Variants in ERCC2 observed in about 807,000 individuals in gnomAD.
ERCC2 encodes the protein ERCC excision repair 2, TFIIH core complex helicase subunit.
A neutral mutation model predicts 99.4 loss-of-function variants in ERCC2; 90 were observed. The ratio of observed to expected loss-of-function variants is 0.91; its 90% CI spans 0.76 to 1.08. ERCC2 has a LOEUF of 1.08. Among genes scored for constraint, ERCC2 ranks in the 50% least tolerant of loss-of-function variants. The pLI is 0.00. For missense variants in ERCC2, 993 were observed against 1,038.1 expected, an observed-to-expected ratio of 0.96 and a Z score of 0.60; for synonymous variants, 497 against 432.4, an observed-to-expected ratio of 1.15 and a Z score of -1.85.
In ERCC2 at chr19:45,350,012, A is replaced by T. The variant is rs1458713949; in HGVS notation, c.*1617T>A. ...AGCCCAAAGTACAGCAGACAGGCTC[A>T]GAAACAGGAGGCTGCCTGTCCTCCA... On this transcript the variant is annotated 3_prime_UTR_variant, in exon 23 of 23. Transcript: ENST00000391945. The T allele has an allele frequency of 1.1e-5, 5 of 445,702 alleles. No individual in the cohort carries two copies. The allele number at this position is 445,702 out of a possible 1,614,324, so 27.6% of individuals were successfully genotyped here.
chr19:45,353,632 C>A (rs1263673030), intron 17 of ERCC2, among the ~76,000 whole-genome samples: 4 of 152,126 alleles, frequency 2.6e-5, no homozygotes, highest in Non-Finnish European at 5.9e-5. Context: ...GCAGGCAGAG[C>A]CAATCAGAGG....
intron 17 of ERCC2, 95 bp from the exon 18 acceptor site, chr19:45,353,429 T>G: frequency 1.2e-6 from 1 of 817,916 alleles, no homozygotes; most frequent in Non-Finnish European, 2.1e-6. Context: ...ACCATGTCTC[T>G]GGGCCTCAGC....
In ERCC2 at chr19:45,353,054, C is replaced by G. The variant is rs760278269; in HGVS notation, c.1831+29G>C. Reference sequence around the variant, plus strand: ...TGTTCCAGAGAGCTCTGGGAAGACACCTGGGGAGGAAGAGCCCAGTCCACT... The same window carrying G: ...TGTTCCAGAGAGCTCTGGGAAGACAGCTGGGGAGGAAGAGCCCAGTCCACT... On this transcript the variant is annotated intron_variant, in intron 19 of 22. Transcript: ENST00000391945. 9.3e-6 allele frequency: 15 copies of G among 1,604,858 alleles called. No homozygotes were observed. In the South Asian group the frequency reaches 1.4e-4, roughly 15 times the overall value.
At chr19:45,356,112 CACACTCTCCA>C (rs1395989827) in intron 15 of ERCC2, among the ~76,000 whole-genome samples, 1 of 152,122 alleles carries the variant, frequency 6.6e-6, no homozygotes, top group African/African-American at 2.4e-5. Flanking sequence ...CGAGTCTGTC[CACACTCTCCA>C]ACAGCAGCTA....
chr19:45,367,451 C>T (rs890618722), intron 5 of ERCC2, among the ~76,000 whole-genome samples: 3 of 151,760 alleles, frequency 2.0e-5, no homozygotes, highest in Admixed American at 6.6e-5. Context: ...AATATATACA[C>T]ATATATACAT....
chr19:45,370,389 C>A lies in ERCC2; in HGVS notation c.5+147G>T, dbSNP rs1972566942. ...TCGGGGCCCCCTCAGTGTCTCCTCG[C>A]TATCACTGCTGCTCCCTGCGGCTGC... On this transcript the variant is annotated intron_variant, in intron 1 of 22. Transcript: ENST00000391945. 3 of 1,504,836 alleles carry A rather than the reference C, an allele frequency of 2.0e-6. No homozygotes were observed. The South Asian group carries it at 3.7e-5, about 19-fold the overall frequency. The allele number at this position is 1,504,836 out of a possible 1,614,324, so 93.2% of individuals were successfully genotyped here. A position where few individuals can be genotyped will look rare whatever the true frequency, so the allele number is the denominator to read the frequency against.
chr19:45,355,814 C>CT (rs35665496), intron 15 of ERCC2, 86 bp from the exon 16 acceptor site: 11,909 of 675,206 alleles, frequency 0.018, 4 homozygotes, highest in Non-Finnish European at 0.02. Context: ...CTGTTCTAAG[C>CT]TTTTTTTTTT....
chr19:45,357,774 C>T, intron 12 of ERCC2, 75 bp from the exon 13 acceptor site: 1 of 1,331,216 alleles, frequency 7.5e-7, no homozygotes, highest in Admixed American at 1.8e-5. Flanking sequence ...CATTCCCTCT[C>T]CTGCTCCCTC....
At chr19:45,358,962 A>G in intron 12 of ERCC2, 1 of 738,216 alleles carries the variant, frequency 1.4e-6, no homozygotes, top group Non-Finnish European at 2.5e-6. Context: ...ATTCGGTTTC[A>G]CACAGTGAAA....
chr19:45,358,225 C>T (rs1005796831), intron 12 of ERCC2: 25 of 198,556 alleles, frequency 1.3e-4, no homozygotes, highest in Non-Finnish European at 2.3e-4. Context: ...CAGCTAATTT[C>T]TACATTTTTA....
chr19:45,355,618 A>G lies in ERCC2; in HGVS notation c.1543+47T>C, dbSNP rs781736926. 9.9e-6 allele frequency: 15 copies of G among 1,509,532 alleles called. No individual in the cohort carries two copies. The African/African-American group carries it at 1.9e-4, about 19-fold the overall frequency. The allele number at this position is 1,509,532 out of a possible 1,614,324, so 93.5% of individuals were successfully genotyped here. A position where few individuals can be genotyped will look rare whatever the true frequency, so the allele number is the denominator to read the frequency against. Reference sequence around the variant, plus strand: ...ATGACTCAGCCCACCTGACTGATACACCTCCCCTCTTGGAACCCACAGAAA... The same window carrying G: ...ATGACTCAGCCCACCTGACTGATACGCCTCCCCTCTTGGAACCCACAGAAA... On this transcript the variant is annotated intron_variant, in intron 16 of 22. Coordinates refer to ENST00000391945, the MANE Select transcript of ERCC2 (RefSeq NM_000400.4).
At chr19:45,359,636 C>T (rs1163162240) in intron 12 of ERCC2, among the ~76,000 whole-genome samples, 31 of 152,194 alleles carry the variant, frequency 2.0e-4, no homozygotes, top group Non-Finnish European at 1.5e-5. Context: ...CTCCCCATAT[C>T]CCAGCCTCTC....
At position 45,350,648 on chromosome 19, in the gene ERCC2, G is replaced by C. The variant is rs369584425; in HGVS notation, c.*981C>G. On this transcript the variant is annotated 3_prime_UTR_variant, in exon 23 of 23. Coordinates refer to ENST00000391945, the MANE Select transcript of ERCC2 (RefSeq NM_000400.4). ...TCCCCGGCCCCTCCCCAGGCCCTTC[G>C]CCGCAGCAGCTCACTCTCCAAGATC... 6.2e-7 allele frequency: 1 copy of C among 1,613,298 alleles called. No individual in the cohort carries two copies. The highest frequency in any genetic ancestry group is 1.7e-5 in the Admixed American group (1 of 59,962).
In ERCC2 at chr19:45,354,868, G is replaced by A. The variant is rs768410569; in HGVS notation, c.1544-17C>T. Reference sequence around the variant, plus strand: ...GGATCACAGCTGCAAGGGGTCAGAGGTTGGGCCCTCTCCTGGCCCAGGTCC... The same window carrying A: ...GGATCACAGCTGCAAGGGGTCAGAGATTGGGCCCTCTCCTGGCCCAGGTCC... On this transcript the variant is annotated splice_polypyrimidine_tract_variant and intron_variant, in intron 16 of 22. Coordinates refer to ENST00000391945, the MANE Select transcript of ERCC2 (RefSeq NM_000400.4). 8.1e-6 allele frequency: 13 copies of A among 1,613,678 alleles called. No homozygotes were observed. Among genetic ancestry groups the A allele is most frequent in the African/African-American group, 5.3e-5 (4 of 74,918 alleles).
chr19:45,350,896 T>C lies in ERCC2; in HGVS notation c.*733A>G. The C allele has an allele frequency of 2.5e-6, 4 of 1,569,310 alleles. No homozygotes were observed. Among genetic ancestry groups the C allele is most frequent in the Non-Finnish European group, 2.6e-6 (3 of 1,148,614 alleles). On this transcript the variant is annotated 3_prime_UTR_variant, in exon 23 of 23. Coordinates refer to ENST00000391945, the MANE Select transcript of ERCC2 (RefSeq NM_000400.4). ...TCAAACCCTGTGCTGGAAAGGTCCC[T>C]CGTGGAGGGGGGCCACTCCTGGATT... is the stretch of plus-strand genomic sequence containing the variant.
chr19:45,352,957 G>A, intron 19 of ERCC2, 126 bp downstream of exon 19: 1 of 1,215,142 alleles, frequency 8.2e-7, no homozygotes, highest in Non-Finnish European at 1.2e-6. Context: ...CAGAGGGGAG[G>A]GGAGGGCCCC....
At chr19:45,355,463 C>G (rs1215525686) in intron 16 of ERCC2, among the ~76,000 whole-genome samples, 3 of 152,248 alleles carry the variant, frequency 2.0e-5, no homozygotes, top group Non-Finnish European at 4.4e-5. Context: ...CTCTGACACA[C>G]CCAGCGGTGG....
At chr19:45,362,499 C>G (rs950626569) in intron 11 of ERCC2, among the ~76,000 whole-genome samples, 1 of 152,188 alleles carries the variant, frequency 6.6e-6, no homozygotes, top group African/African-American at 2.4e-5. Context: ...CAGGCAGGGC[C>G]GAGGCAGGGT....
In ERCC2 at chr19:45,368,667, G is replaced by A. The variant is rs1972507290; in HGVS notation, c.323C>T (p.Ala108Val). The A allele has an allele frequency of 6.2e-7, 1 of 1,614,000 alleles. No homozygotes were observed. The highest frequency in any genetic ancestry group is 8.5e-7 in the Non-Finnish European group (1 of 1,179,958). Residue 108 changes from alanine (A) to valine (V), a missense_variant, in exon 5 of 23, where the codon GCT (alanine) becomes GTT (valine). By Grantham distance (64) the Ala-to-Val change is moderately conservative. Transcript: ENST00000391945. ...EGEKLPFLGL[A>V]LSSRKNLCIH... The stretch of plus-strand genomic sequence containing the variant: ...ACACAAGTTTTTGCGGGAGCTCAGA[G>A]CCAGTCCCAGAAACGGCAGCTTCTC...
Sources: allele counts gnomAD v4.1 joint callset (sites outside exome capture counted in the v4.1 genomes callset), GRCh38; gene constraint gnomAD v4.1.1; transcripts MANE v1.5; gene names NCBI Gene and HGNC (gene_info 2026-07-23, HGNC 2026-07-21).